The following IBTK variants were observed in gnomAD, a reference collection of about 807,000 sequenced individuals.
The protein encoded by IBTK is BTK-binding protein.
In IBTK, 83 loss-of-function variants were observed where a neutral mutation model predicts 154.9. The observed-to-expected ratio is 0.54, with a 90% CI of 0.45 to 0.64. IBTK has a LOEUF of 0.64. Among genes scored for constraint, IBTK ranks in the 30% least tolerant of loss-of-function variants. The probability of loss-of-function intolerance (pLI) is 0.00; values close to 1 mark genes in which losing one functional copy is unlikely to be tolerated. For missense variants in IBTK, 1,332 were observed against 1,584.6 expected (o/e 0.84, Z 2.71); for synonymous variants, 515 against 536.1 (o/e 0.96, Z 0.54).
chr6:82,224,158 T>G lies in IBTK; in HGVS notation c.853A>C (p.Thr285Pro). Residue 285 changes from threonine to proline, a missense_variant, in exon 7 of 29, where the codon ACA becomes CCA. Coordinates refer to ENST00000306270, the MANE Select transcript of IBTK (RefSeq NM_015525.4). ...QIQAKYLKGR[T>P]IIGVAAGRFH... is the part of the protein sequence containing the mutation. ...CTGCCTGCTGCAACGCCAATGATTG[T>G]CCTTCCTTTCAGATATTTTGCCTGT... is the stretch of plus-strand genomic sequence containing the variant. The G allele has an allele frequency of 6.2e-6, 10 of 1,613,966 alleles. No homozygotes were observed. Among genetic ancestry groups the G allele is most frequent in the Non-Finnish European group, 8.5e-6 (10 of 1,179,832 alleles).
At chr6:82,211,018 C>A (rs1387699711) in intron 15 of IBTK, 108 bp from the exon 16 acceptor site, 1 of 508,306 alleles carries the variant, frequency 2.0e-6, no homozygotes, top group East Asian at 3.4e-5. Context: ...GAAATCACAT[C>A]AAATGCAAAA....
chr6:82,223,536 G>C lies in IBTK; in HGVS notation c.1028C>G (p.Ser343Cys). Residue 343 changes from serine (S) to cysteine (C), a missense_variant, in exon 8 of 29, where the codon TCT becomes TGT. Transcript: ENST00000306270. ...SALHHKDIALSLVAASDGATV... is the reference protein window; with the variant it reads ...SALHHKDIALCLVAASDGATV... ...AGCTCCATCACTTGCAGCAACCAAAGACAGAGCAATGTCTTTATGGTGAAG... is the reference window on the plus strand; with the variant it reads ...AGCTCCATCACTTGCAGCAACCAAACACAGAGCAATGTCTTTATGGTGAAG... 1 of 1,614,064 alleles carries C rather than the reference G, an allele frequency of 6.2e-7. No homozygotes were observed. The highest frequency in any genetic ancestry group is 1.1e-5 in the South Asian group (1 of 91,068).
At chr6:82,244,865 G>A (rs1338600875) in intron 1 of IBTK, among the ~76,000 whole-genome samples, 1 of 151,932 alleles carries the variant, frequency 6.6e-6, no homozygotes, top group Non-Finnish European at 1.5e-5. Context: ...ATACAGATCT[G>A]TTTAATGATG....
At position 82,196,370 on chromosome 6, in the gene IBTK, A is replaced by G. The variant is rs1370427368; in HGVS notation, c.3102T>C (p.Tyr1034=). The change falls in exon 22 of 29, where the codon TAT becomes TAC. Residue 1034 remains tyrosine, a synonymous_variant. Coordinates refer to ENST00000306270, the MANE Select transcript of IBTK (RefSeq NM_015525.4). ...AATCTCTAGGACTACCCACTCCTGC[A>G]TAGCTTCCTTCAGAGTCTGATGTCA... The part of the protein sequence containing the change: ...ELLTSDSEGS[Y]AGVGSPRDLQ... 6.2e-7 allele frequency: 1 copy of G among 1,613,112 alleles called. No homozygotes were observed. Among genetic ancestry groups the G allele is most frequent in the East Asian group, 2.2e-5 (1 of 44,776 alleles).
In IBTK at chr6:82,170,095, C is replaced by T. The variant is rs886284438; in HGVS notation, c.*1330G>A. The T allele has an allele frequency of 1.3e-5, 2 of 152,192 alleles. No individual in the cohort carries two copies. The highest frequency in any genetic ancestry group is 2.9e-5 in the Non-Finnish European group (2 of 68,022). 9.4% of individuals were successfully genotyped at this position (152,192 alleles called of 1,614,324 possible). A position where few individuals can be genotyped will look rare whatever the true frequency, so the allele number is the denominator to read the frequency against. ...AATTCACAAGTTCATATTTAGAAAA[C>T]TGCCTTTTTAAATCCGTCTTAGAAT... On this transcript the variant is annotated 3_prime_UTR_variant, in exon 29 of 29. Transcript: ENST00000306270.
At chr6:82,218,495 T>C (rs1462629984) in intron 9 of IBTK, among the ~76,000 whole-genome samples, 1 of 152,200 alleles carries the variant, frequency 6.6e-6, no homozygotes, top group African/African-American at 2.4e-5. Context: ...CTTCTTGTAG[T>C]ACTATCTCTT....
intron 6 of IBTK, among the ~76,000 whole-genome samples, chr6:82,224,460 ATTTTTC>A (rs886329111): frequency 2.6e-5 from 4 of 152,134 alleles, no homozygotes; most frequent in Non-Finnish European, 5.9e-5. Flanking sequence ...ACTTTTAGCT[ATTTTTC>A]TTTTTCTAAC....
At chr6:82,235,458 G>T (rs1201944178) in intron 2 of IBTK, among the ~76,000 whole-genome samples, 2 of 152,060 alleles carry the variant, frequency 1.3e-5, no homozygotes, top group Non-Finnish European at 2.9e-5. Context: ...GTCAGGTGTG[G>T]TGGTGCATGC....
intron 18 of IBTK, 55 bp downstream of exon 18, chr6:82,202,473 T>G: frequency 1.1e-6 from 1 of 903,276 alleles, no homozygotes; most frequent in South Asian, 1.4e-5. Context: ...ATATCTGCTA[T>G]TATATATAAA....
At chr6:82,189,686 G>C (rs1441303854) in intron 25 of IBTK, among the ~76,000 whole-genome samples, 1 of 152,100 alleles carries the variant, frequency 6.6e-6, no homozygotes, top group East Asian at 1.9e-4. Flanking sequence ...AAAGAGCACA[G>C]GACTCTAAGG....
At chr6:82,192,020 A>G in intron 23 of IBTK, 141 bp from the exon 24 acceptor site, 1 of 562,486 alleles carries the variant, frequency 1.8e-6, no homozygotes, top group South Asian at 2.7e-5. Flanking sequence ...CCAGTTTCAT[A>G]AAGGATATTT....
Position 82,240,553 on chromosome 6 carries a change from G to T in IBTK, c.-67C>A. The T allele has an allele frequency of 7.5e-7, 1 of 1,338,134 alleles. No homozygotes were observed. Among genetic ancestry groups the T allele is most frequent in the Non-Finnish European group, 1.0e-6 (1 of 970,870 alleles). 82.9% of individuals were successfully genotyped at this position (1,338,134 alleles called of 1,614,324 possible). A position where few individuals can be genotyped will look rare whatever the true frequency, so the allele number is the denominator to read the frequency against. ...TAATTTTAAAAAATGAAAAAGCCAG[G>T]ACACAAAGGTGCTATTGAGGAAGTT... On this transcript the variant is annotated 5_prime_UTR_variant, in exon 2 of 29. Transcript: ENST00000306270.
Position 82,220,581 on chromosome 6 carries a change from T to G in IBTK, c.1248+9A>C. ...GTAAGATTACACTTTTACATAAACA[T>G]GTACTTACCCTTCCAGCTCCATCCA... On this transcript the variant is annotated intron_variant, in intron 9 of 28. Coordinates refer to ENST00000306270, the MANE Select transcript of IBTK (RefSeq NM_015525.4). 1 of 1,596,876 alleles carries G rather than the reference T, an allele frequency of 6.3e-7. No homozygotes were observed. Among genetic ancestry groups the G allele is most frequent in the East Asian group, 2.2e-5 (1 of 44,636 alleles).
chr6:82,208,312 TAACTC>T (rs751077729), intron 16 of IBTK, among the ~76,000 whole-genome samples: 2 of 152,024 alleles, frequency 1.3e-5, no homozygotes, highest in African/African-American at 4.8e-5. Flanking sequence ...GGGGGGGAAT[TAACTC>T]AAAATGGATC....
rs1451842937 is a variant in IBTK at position 82,214,720 on chromosome 6, C to G, written c.1711G>C (p.Gly571Arg). 1.2e-6 allele frequency: 2 copies of G among 1,614,038 alleles called. No individual in the cohort carries two copies. Among genetic ancestry groups the G allele is most frequent in the East Asian group, 2.2e-5 (1 of 44,848 alleles). Residue 571 changes from glycine to arginine, a missense_variant, in exon 12 of 29, where the codon GGC becomes CGC. Gly to Arg is a moderately radical substitution (Grantham distance 125, BLOSUM62 -2). Coordinates refer to ENST00000306270, the MANE Select transcript of IBTK (RefSeq NM_015525.4). ...TTATGTGCAGGGAAGAGTCTATTGC[C>G]AACTTGAAATGTCACATCATGAATG... is the stretch of plus-strand genomic sequence containing the variant. ...DSIHDVTFQVGNRLFPAHKYI... is the reference protein window; with the variant it reads ...DSIHDVTFQVRNRLFPAHKYI...
chr6:82,204,446 T>C (rs1305205339), intron 17 of IBTK, among the ~76,000 whole-genome samples: 1 of 152,064 alleles, frequency 6.6e-6, no homozygotes, highest in Non-Finnish European at 1.5e-5. Flanking sequence ...ATGTGCTTTG[T>C]TCAGATATAT....
intron 18 of IBTK, among the ~76,000 whole-genome samples, chr6:82,201,973 GCCTC>G (rs1769227072): frequency 6.6e-6 from 1 of 152,020 alleles, no homozygotes; most frequent in African/African-American, 2.4e-5. Context: ...CGATCCACCT[GCCTC>G]AGCCTCCCAA....
intron 1 of IBTK, among the ~76,000 whole-genome samples, chr6:82,241,493 G>C (rs1770950733): frequency 6.6e-6 from 1 of 151,868 alleles, no homozygotes; most frequent in Non-Finnish European, 1.5e-5. Flanking sequence ...TAAAACAACT[G>C]GATAGCTATC....
chr6:82,187,214 C>G (rs1287814222), intron 25 of IBTK, among the ~76,000 whole-genome samples: 2 of 152,020 alleles, frequency 1.3e-5, no homozygotes, highest in African/African-American at 2.4e-5. Flanking sequence ...TCATGCCCAG[C>G]CAGATAATTA....
Sources: allele counts gnomAD v4.1 joint callset (sites outside exome capture counted in the v4.1 genomes callset), GRCh38; gene constraint gnomAD v4.1.1; transcripts MANE v1.5; gene names NCBI Gene and HGNC (gene_info 2026-07-23, HGNC 2026-07-21).